Variants in COL8A1 observed in about 807,000 individuals in gnomAD.
COL8A1 encodes the protein collagen alpha-1(VIII) chain.
A neutral mutation model predicts 42.7 loss-of-function variants in COL8A1; 21 were observed. The observed-to-expected ratio is 0.49, with a 90% CI of 0.35 to 0.71. The LOEUF is 0.71. COL8A1 is among the 30% of genes least tolerant of loss of function. The probability of loss-of-function intolerance (pLI) is 0.01; values close to 1 mark genes in which losing one functional copy is unlikely to be tolerated. For synonymous variants in COL8A1, 367 were observed against 369.1 expected (o/e 0.99, Z 0.06); for missense variants, 788 against 962.4 (o/e 0.82, Z 2.40).
chr3:99,713,565 C>T (rs2107360020), intron 1 of COL8A1, among the ~76,000 whole-genome samples: 1 of 152,216 alleles, frequency 6.6e-6, no homozygotes, highest in Non-Finnish European at 1.5e-5. Flanking sequence ...TTGAAACCTG[C>T]ATCAGTAAGA....
intron 1 of COL8A1, among the ~76,000 whole-genome samples, chr3:99,666,524 T>C (rs993834298): frequency 6.6e-6 from 1 of 152,224 alleles, no homozygotes; most frequent in African/African-American, 2.4e-5. Flanking sequence ...CATTCACAGT[T>C]TCACCAACTT....
chr3:99,776,960 G>A (rs899237892), intron 2 of COL8A1, among the ~76,000 whole-genome samples: 1 of 152,204 alleles, frequency 6.6e-6, no homozygotes, highest in African/African-American at 2.4e-5. Flanking sequence ...AGCATGTAAC[G>A]AGCAGAGAGG....
At chr3:99,737,231 C>T (rs1468651125) in intron 1 of COL8A1, among the ~76,000 whole-genome samples, 1 of 152,024 alleles carries the variant, frequency 6.6e-6, no homozygotes, top group Non-Finnish European at 1.5e-5. Context: ...AGTCCATTTA[C>T]ATTTAAAGTT....
At chr3:99,764,564 A>T (rs1941423183) in intron 2 of COL8A1, among the ~76,000 whole-genome samples, 1 of 152,160 alleles carries the variant, frequency 6.6e-6, no homozygotes, top group Admixed American at 6.5e-5. Flanking sequence ...CTCAAATTCC[A>T]GTCCTGTTAC....
chr3:99,719,809 A>G (rs1467708911), intron 1 of COL8A1, among the ~76,000 whole-genome samples: 2 of 152,148 alleles, frequency 1.3e-5, no homozygotes, highest in Non-Finnish European at 2.9e-5. Context: ...GACTATGAGT[A>G]CAGTACTGGG....
chr3:99,677,561 T>C (rs1938738802), intron 1 of COL8A1, among the ~76,000 whole-genome samples: 1 of 152,162 alleles, frequency 6.6e-6, no homozygotes, highest in African/African-American at 2.4e-5. Context: ...TCAGATAGCT[T>C]CTTAATGCAG....
intron 1 of COL8A1, among the ~76,000 whole-genome samples, chr3:99,659,208 T>C (rs979330350): frequency 6.6e-6 from 1 of 152,224 alleles, no homozygotes; most frequent in Non-Finnish European, 1.5e-5. Flanking sequence ...GATTCATCTA[T>C]GATGAGCTAA....
chr3:99,777,417 A>G (rs1400582639), intron 2 of COL8A1, among the ~76,000 whole-genome samples: 2 of 152,176 alleles, frequency 1.3e-5, no homozygotes, highest in East Asian at 1.9e-4. Context: ...AAGATGGGGA[A>G]AGTAAAATAA....
At chr3:99,753,485 T>C (rs1364636644) in intron 2 of COL8A1, among the ~76,000 whole-genome samples, 1 of 152,162 alleles carries the variant, frequency 6.6e-6, no homozygotes, top group Non-Finnish European at 1.5e-5. Flanking sequence ...GCCTGACTTC[T>C]CAATGCTATA....
At chr3:99,697,883 G>C (rs1202247147) in intron 1 of COL8A1, among the ~76,000 whole-genome samples, 4 of 152,086 alleles carry the variant, frequency 2.6e-5, no homozygotes, top group African/African-American at 9.7e-5. Flanking sequence ...TTGTTACATA[G>C]GTATACATGT....
At chr3:99,766,974 A>G (rs959731974) in intron 2 of COL8A1, among the ~76,000 whole-genome samples, 1 of 151,814 alleles carries the variant, frequency 6.6e-6, no homozygotes, top group Non-Finnish European at 1.5e-5. Flanking sequence ...GATGTCCTCT[A>G]GGGGAGGGGG....
chr3:99,682,289 C>T (rs1443192524), intron 1 of COL8A1, among the ~76,000 whole-genome samples: 1 of 152,074 alleles, frequency 6.6e-6, no homozygotes, highest in East Asian at 1.9e-4. Flanking sequence ...TGGCGGTGCA[C>T]GCCTGTAATC....
chr3:99,749,640 T>C (rs1214469427), intron 2 of COL8A1, among the ~76,000 whole-genome samples: 1 of 152,194 alleles, frequency 6.6e-6, no homozygotes, highest in African/African-American at 2.4e-5. Context: ...CCAATAGAAA[T>C]CTTTATAGTG....
intron 1 of COL8A1, among the ~76,000 whole-genome samples, chr3:99,707,511 G>C (rs145453726): frequency 6.6e-6 from 1 of 152,150 alleles, no homozygotes; most frequent in Non-Finnish European, 1.5e-5. Flanking sequence ...AGGGAGTGCA[G>C]GTGTTCAACT....
chr3:99,669,146 T>TATATATAGAGAGAGAG, intron 1 of COL8A1, among the ~76,000 whole-genome samples: 1 of 115,364 alleles, frequency 8.7e-6, no homozygotes, highest in African/African-American at 3.0e-5. Context: ...TATATATATA[T>TATATATAGAGAGAGAG]AGAGGGAGAG....
At chr3:99,660,090 G>A (rs912795270) in intron 1 of COL8A1, among the ~76,000 whole-genome samples, 12 of 152,178 alleles carry the variant, frequency 7.9e-5, no homozygotes, top group South Asian at 4.1e-4. Context: ...GAGAACCTTA[G>A]GAACAGGAAG....
At chr3:99,719,469 C>G (rs1940089696) in intron 1 of COL8A1, among the ~76,000 whole-genome samples, 1 of 152,060 alleles carries the variant, frequency 6.6e-6, no homozygotes, top group Admixed American at 6.6e-5. Context: ...GTGAGCAAGA[C>G]AGAGTCCTAA....
At position 99,646,495 on chromosome 3, in the gene COL8A1, T is replaced by C. The variant is rs115372353; in HGVS notation, c.-129+7831T>C. ...ACAATTTTTAAATAACTACCTTCTT[T>C]ACCACTTAGAGACATGTGAGGTCCT... On this transcript the variant is annotated intron_variant, in intron 1 of 3. Coordinates refer to ENST00000652472, the MANE Select transcript of COL8A1 (RefSeq NM_020351.4). Among the ~76,000 whole-genome samples the C allele has an allele frequency of 3.5e-3, 539 of 152,302 alleles. 7 individuals are homozygous for C. Among genetic ancestry groups the C allele is most frequent in the African/African-American group, 0.012 (514 of 41,574 alleles).
chr3:99,713,421 C>T (rs907414623), intron 1 of COL8A1, among the ~76,000 whole-genome samples: 2 of 152,090 alleles, frequency 1.3e-5, no homozygotes, highest in African/African-American at 4.8e-5. Flanking sequence ...CAGATGCTCC[C>T]TCAAGCAACA....
Sources: gnomAD v4.1 joint callset for allele counts (sites outside exome capture counted in the v4.1 genomes callset) on GRCh38, gnomAD v4.1.1 for gene constraint, MANE v1.5 for transcripts, NCBI Gene and HGNC (gene_info 2026-07-23, HGNC 2026-07-21) for gene names.